Variants in PCDHB11 observed in about 807,000 individuals in gnomAD.
PCDHB11 encodes protocadherin beta 11.
For missense variants in PCDHB11, 1,151 were observed against 1,003.4 expected (o/e 1.15, Z -1.99); for synonymous variants, 522 against 442.0 (o/e 1.18, Z -2.27).
rs1351952583 is a variant in PCDHB11 at position 141,200,340 on chromosome 5, G to A, written c.566G>A (p.Arg189Lys). Residue 189 changes from arginine (R) to lysine (K), a missense_variant, in exon 1 of 1, where the codon AGG becomes AAG. Transcript: ENST00000354757. ...HIKMRVIPDN[R>K]KYPELVLDKA... ...AAAATGAGAGTCATTCCAGACAATA[G>A]GAAATACCCCGAGTTAGTTCTGGAC... is the stretch of plus-strand genomic sequence containing the variant. The A allele has an allele frequency of 2.2e-5, 35 of 1,614,018 alleles. No individual in the cohort carries two copies. The Admixed American group carries it at 3.3e-4, about 15-fold the overall frequency.
Position 141,201,808 on chromosome 5 carries a change from G to A in PCDHB11, c.2034G>A (p.Pro678=), listed in dbSNP as rs1554285710. 1 of 1,610,276 alleles carries A rather than the reference G, an allele frequency of 6.2e-7. No individual in the cohort carries two copies. Among genetic ancestry groups the A allele is most frequent in the Middle Eastern group, 2.1e-4 (1 of 4,852 alleles). ...ACCTGCCGCTCCCTGAGGCGGCACC[G>A]GCCCAGGCCCAGGCCGACTCGCTCA... ...QPYLPLPEAA[P]AQAQADSLTV... is the part of the protein sequence containing the mutation. Residue 678 remains proline (P), a synonymous_variant, in exon 1 of 1, where the codon CCG becomes CCA. Coordinates refer to ENST00000354757, the MANE Select transcript of PCDHB11 (RefSeq NM_018931.3).
In PCDHB11 at chr5:141,201,054, G is replaced by A. The variant is rs782178612; in HGVS notation, c.1280G>A (p.Gly427Glu). The part of the protein sequence containing the change: ...YNITITVTDL[G>E]IPRLKTEHNT... ...ATCACCATCACCGTCACCGACTTGG[G>A]GATACCCAGGCTGAAAACCGAGCAC... Residue 427 changes from glycine (G) to glutamate (E), a missense_variant, in exon 1 of 1, where the codon GGG becomes GAG. By Grantham distance (98) the Gly-to-Glu change is moderately conservative. Transcript: ENST00000354757. The A allele has an allele frequency of 1.9e-6, 3 of 1,614,000 alleles. No homozygotes were observed. Among genetic ancestry groups the A allele is most frequent in the East Asian group, 4.5e-5 (2 of 44,894 alleles).
chr5:141,202,147 T>G lies in PCDHB11; in HGVS notation c.2373T>G (p.Asn791Lys), dbSNP rs1554285841. 1 of 1,602,596 alleles carries G rather than the reference T, an allele frequency of 6.2e-7. No individual in the cohort carries two copies. Among genetic ancestry groups the G allele is most frequent in the South Asian group, 1.1e-5 (1 of 89,584 alleles). The change falls in exon 1 of 1, where the codon AAT becomes AAG. Residue 791 changes from asparagine (N) to lysine (K), a missense_variant. By Grantham distance (94) the Asn-to-Lys change is moderately conservative. Transcript: ENST00000354757. The part of the protein sequence containing the change: ...KNSEENSTFR[N>K]SFGFNF The stretch of plus-strand genomic sequence containing the variant: ...GTGAAGAAAACTCCACCTTTCGAAA[T>G]AGCTTTGGATTTAATTTTTAGTAAG...
chr5:141,202,303 T>A lies in PCDHB11; in HGVS notation c.*135T>A, dbSNP rs1754223533. The A allele has an allele frequency of 9.7e-6, 4 of 411,618 alleles. No homozygotes were observed. The highest frequency in any genetic ancestry group is 2.1e-4 in the East Asian group (2 of 9,570). 25.5% of individuals were successfully genotyped at this position (411,618 alleles called of 1,614,324 possible). On this transcript the variant is annotated 3_prime_UTR_variant, in exon 1 of 1. Coordinates refer to ENST00000354757, the MANE Select transcript of PCDHB11 (RefSeq NM_018931.3). Reference sequence around the variant, plus strand: ...TTAATTTTTTCTTTTCTCCCCCAATTTTTTTTTTTTTTTTGAGACCGAGTC... The same window carrying A: ...TTAATTTTTTCTTTTCTCCCCCAATATTTTTTTTTTTTTTGAGACCGAGTC...
Position 141,199,959 on chromosome 5 carries a change from G to T in PCDHB11, c.185G>T (p.Arg62Leu). The part of the protein sequence containing the change: ...LGLKVRELSS[R>L]GARVVSNDKK... ...CTGAAGGTGAGAGAACTGTCCTCAC[G>T]GGGGGCTCGGGTGGTCTCTAATGAT... Residue 62 changes from arginine to leucine, a missense_variant, in exon 1 of 1, where the codon CGG becomes CTG. By Grantham distance (102) the Arg-to-Leu change is moderately radical. Transcript: ENST00000354757. The T allele has an allele frequency of 6.2e-7, 1 of 1,614,124 alleles. No homozygotes were observed. Among genetic ancestry groups the T allele is most frequent in the Non-Finnish European group, 8.5e-7 (1 of 1,180,024 alleles).
Position 141,200,377 on chromosome 5 carries a change from T to C in PCDHB11, c.603T>C (p.Asp201=), listed in dbSNP as rs782035835. 6.2e-7 allele frequency: 1 copy of C among 1,614,178 alleles called. No individual in the cohort carries two copies. Among genetic ancestry groups the C allele is most frequent in the Non-Finnish European group, 8.5e-7 (1 of 1,180,034 alleles). Residue 201 remains aspartate, a synonymous_variant, in exon 1 of 1, where the codon GAT becomes GAC. Coordinates refer to ENST00000354757, the MANE Select transcript of PCDHB11 (RefSeq NM_018931.3). ...YPELVLDKAL[D]YEELPELSFI... is the part of the protein sequence containing the mutation. ...AGTTAGTTCTGGACAAGGCGCTGGATTATGAAGAGCTCCCGGAGCTCAGTT... is the reference window on the plus strand; with the variant it reads ...AGTTAGTTCTGGACAAGGCGCTGGACTATGAAGAGCTCCCGGAGCTCAGTT...
chr5:141,201,865 G>A lies in PCDHB11; in HGVS notation c.2091G>A (p.Val697=), dbSNP rs375960520. 2.5e-6 allele frequency: 4 copies of A among 1,611,288 alleles called. No individual in the cohort carries two copies. The African/African-American group carries it at 5.3e-5, about 22-fold the overall frequency. The change falls in exon 1 of 1, where the codon GTG becomes GTA. Residue 697 remains valine, a synonymous_variant. Transcript: ENST00000354757. ...ACTTGGTGGTGGCGTTGGCCTCGGTGTCTTCGCTCTTCCTCTTCTCGGTGC... is the reference window on the plus strand; with the variant it reads ...ACTTGGTGGTGGCGTTGGCCTCGGTATCTTCGCTCTTCCTCTTCTCGGTGC... The part of the protein sequence containing the change: ...TVYLVVALAS[V]SSLFLFSVLL...
chr5:141,199,748 C>A lies in PCDHB11; in HGVS notation c.-27C>A. On this transcript the variant is annotated 5_prime_UTR_variant, in exon 1 of 1. Transcript: ENST00000354757. ...CGCGTTCCGCAGAGCTGAAGCCTTT[C>A]TTCAAGAAGCCTACAAGAAAGGAAC... is the stretch of plus-strand genomic sequence containing the variant. 6.3e-7 allele frequency: 1 copy of A among 1,597,024 alleles called. No homozygotes were observed. Among genetic ancestry groups the A allele is most frequent in the Non-Finnish European group, 8.6e-7 (1 of 1,169,200 alleles).
At position 141,201,996 on chromosome 5, in the gene PCDHB11, G is replaced by T; in HGVS notation, c.2222G>T (p.Gly741Val). 6.2e-7 allele frequency: 1 copy of T among 1,614,172 alleles called. No homozygotes were observed. The highest frequency in any genetic ancestry group is 8.5e-7 in the Non-Finnish European group (1 of 1,180,006). The change falls in exon 1 of 1, where the codon GGC (glycine) becomes GTC (valine). Residue 741 changes from glycine to valine, a missense_variant. Coordinates refer to ENST00000354757, the MANE Select transcript of PCDHB11 (RefSeq NM_018931.3). Reference sequence around the variant, plus strand: ...CCAGGGCATCTGGTGGACGTGAGCGGCACCGGGACCCTTTCCCAGAGCTAC... The same window carrying T: ...CCAGGGCATCTGGTGGACGTGAGCGTCACCGGGACCCTTTCCCAGAGCTAC... ...PFPGHLVDVS[G>V]TGTLSQSYQY...
Position 141,200,808 on chromosome 5 carries a change from C to T in PCDHB11, c.1034C>T (p.Pro345Leu), listed in dbSNP as rs1439510569. 1 of 1,614,056 alleles carries T rather than the reference C, an allele frequency of 6.2e-7. No homozygotes were observed. The highest frequency in any genetic ancestry group is 1.7e-5 in the Admixed American group (1 of 60,002). Residue 345 changes from proline to leucine, a missense_variant, in exon 1 of 1, where the codon CCT (proline) becomes CTT (leucine). Pro to Leu is a moderately conservative substitution (Grantham distance 98). Coordinates refer to ENST00000354757, the MANE Select transcript of PCDHB11 (RefSeq NM_018931.3). ...GTGATAGATGTAAATGACAATGCTCCTGAAATCACTGTGTCATCAATTACC... is the reference window on the plus strand; with the variant it reads ...GTGATAGATGTAAATGACAATGCTCTTGAAATCACTGTGTCATCAATTACC... Reference protein sequence around the residue: ...IHVIDVNDNAPEITVSSITSP... With the variant: ...IHVIDVNDNALEITVSSITSP...
At position 141,200,844 on chromosome 5, in the gene PCDHB11, C is replaced by T; in HGVS notation, c.1070C>T (p.Pro357Leu). Residue 357 changes from proline to leucine, a missense_variant, in exon 1 of 1, where the codon CCA becomes CTA. Transcript: ENST00000354757. ...GTGTCATCAATTACCAGTCCAATCCCAGAAAATACGCCAGAGACCGTGGTT... is the reference window on the plus strand; with the variant it reads ...GTGTCATCAATTACCAGTCCAATCCTAGAAAATACGCCAGAGACCGTGGTT... ...ITVSSITSPI[P>L]ENTPETVVMV... The T allele has an allele frequency of 1.2e-6, 2 of 1,614,164 alleles. No homozygotes were observed. Among genetic ancestry groups the T allele is most frequent in the Non-Finnish European group, 1.7e-6 (2 of 1,180,032 alleles).
In PCDHB11 at chr5:141,200,731, T is replaced by C; in HGVS notation, c.957T>C (p.Ile319=). The change falls in exon 1 of 1, where the codon ATT becomes ATC. Residue 319 remains isoleucine, a synonymous_variant. Coordinates refer to ENST00000354757, the MANE Select transcript of PCDHB11 (RefSeq NM_018931.3). ...FETIESYSII[I]QATDGGGLFG... ...CGATTGAGTCATACTCAATAATCAT[T>C]CAAGCCACAGATGGGGGAGGACTTT... 1.2e-6 allele frequency: 2 copies of C among 1,614,050 alleles called. No homozygotes were observed. Among genetic ancestry groups the C allele is most frequent in the African/African-American group, 1.3e-5 (1 of 74,902 alleles).
Position 141,199,926 on chromosome 5 carries a change from A to C in PCDHB11, c.152A>C (p.Asp51Ala), listed in dbSNP as rs1182903699. 4 of 1,614,004 alleles carry C rather than the reference A, an allele frequency of 2.5e-6. No homozygotes were observed. Among genetic ancestry groups the C allele is most frequent in the Non-Finnish European group, 3.4e-6 (4 of 1,180,028 alleles). ...AGTTTTGTAGGCAATCTGGCAAAGG[A>C]CCTGGGGCTGAAGGTGAGAGAACTG... ...SGSFVGNLAK[D>A]LGLKVRELSS... The change falls in exon 1 of 1, where the codon GAC becomes GCC. Residue 51 changes from aspartate (D) to alanine (A), a missense_variant. Coordinates refer to ENST00000354757, the MANE Select transcript of PCDHB11 (RefSeq NM_018931.3).
rs1554285558 is a variant in PCDHB11 at position 141,201,302 on chromosome 5, A to G, written c.1528A>G (p.Asn510Asp). ...LASLVSINTD[N>D]GHLFALRSLD... The stretch of plus-strand genomic sequence containing the variant: ...CTCCCTGGTCTCCATCAACACAGAC[A>G]ACGGCCACCTGTTCGCCCTCAGGTC... Residue 510 changes from asparagine (N) to aspartate (D), a missense_variant, in exon 1 of 1, where the codon AAC becomes GAC. Asn to Asp is a conservative substitution (Grantham distance 23). Transcript: ENST00000354757. The G allele has an allele frequency of 3.1e-6, 5 of 1,613,602 alleles. No homozygotes were observed. The highest frequency in any genetic ancestry group is 4.2e-6 in the Non-Finnish European group (5 of 1,180,024).
Position 141,201,052 on chromosome 5 carries a change from G to C in PCDHB11, c.1278G>C (p.Leu426Phe). The change falls in exon 1 of 1, where the codon TTG becomes TTC. Residue 426 changes from leucine to phenylalanine, a missense_variant. By Grantham distance (22) the Leu-to-Phe change is conservative. Transcript: ENST00000354757. ...EYNITITVTD[L>F]GIPRLKTEHN... Reference sequence around the variant, plus strand: ...ATATCACCATCACCGTCACCGACTTGGGGATACCCAGGCTGAAAACCGAGC... The same window carrying C: ...ATATCACCATCACCGTCACCGACTTCGGGATACCCAGGCTGAAAACCGAGC... The C allele has an allele frequency of 6.2e-7, 1 of 1,614,150 alleles. No individual in the cohort carries two copies. The highest frequency in any genetic ancestry group is 8.5e-7 in the Non-Finnish European group (1 of 1,180,026).
In PCDHB11 at chr5:141,201,611, G is replaced by T; in HGVS notation, c.1837G>T (p.Gly613Trp). The T allele has an allele frequency of 5.0e-6, 8 of 1,608,118 alleles. No homozygotes were observed. Among genetic ancestry groups the T allele is most frequent in the Non-Finnish European group, 5.9e-6 (7 of 1,179,314 alleles). Residue 613 changes from glycine to tryptophan, a missense_variant, in exon 1 of 1, where the codon GGG (glycine) becomes TGG (tryptophan). Transcript: ENST00000354757. The part of the protein sequence containing the change: ...SYQLLKATEP[G>W]LFGVWAHNGE... Reference sequence around the variant, plus strand: ...CCAGCTGCTCAAGGCCACGGAGCCCGGGCTATTCGGCGTGTGGGCGCACAA... The same window carrying T: ...CCAGCTGCTCAAGGCCACGGAGCCCTGGCTATTCGGCGTGTGGGCGCACAA...
At position 141,200,389 on chromosome 5, in the gene PCDHB11, C is replaced by A; in HGVS notation, c.615C>A (p.Leu205=). ...VLDKALDYEE[L]PELSFILSAL... is the part of the protein sequence containing the mutation. ...ACAAGGCGCTGGATTATGAAGAGCT[C>A]CCGGAGCTCAGTTTCATCCTCTCTG... The change falls in exon 1 of 1, where the codon CTC becomes CTA. Residue 205 remains leucine, a synonymous_variant. Transcript: ENST00000354757. The A allele has an allele frequency of 6.2e-7, 1 of 1,614,144 alleles. No homozygotes were observed. The highest frequency in any genetic ancestry group is 8.5e-7 in the Non-Finnish European group (1 of 1,180,014).
chr5:141,200,561 A>G lies in PCDHB11; in HGVS notation c.787A>G (p.Ile263Val), dbSNP rs782065967. 1.1e-5 allele frequency: 17 copies of G among 1,614,152 alleles called. No individual in the cohort carries two copies. The highest frequency in any genetic ancestry group is 1.3e-5 in the Non-Finnish European group (15 of 1,180,032). Residue 263 changes from isoleucine (I) to valine (V), a missense_variant, in exon 1 of 1, where the codon ATT becomes GTT. Physicochemically the swap from Ile to Val is conservative, Grantham distance 29. Transcript: ENST00000354757. ...ENSILGSLIL[I>V]VSAWDLDSGT... The stretch of plus-strand genomic sequence containing the variant: ...TAGCATCCTTGGCTCGCTGATTTTG[A>G]TTGTCTCAGCTTGGGATTTAGACTC...
chr5:141,199,911 GC>G lies in PCDHB11; in HGVS notation c.138del (p.Asn47IlefsTer8). On this transcript the variant is annotated frameshift_variant, in exon 1 of 1. Transcript: ENST00000354757. LOFTEE classifies it low-confidence loss of function (END_TRUNC). The stretch of plus-strand genomic sequence containing the variant: ...GAAATGCAGAGCGGGAGTTTTGTAG[GC>G]AATCTGGCAAAGGACCTGGGGCTGA... ...AEEMQSGSFV[G>X]NLAKDLGLKV... 1.9e-6 allele frequency: 3 copies of G among 1,614,132 alleles called. No homozygotes were observed.
Sources: allele counts gnomAD v4.1 joint callset, GRCh38; gene constraint gnomAD v4.1.1; transcripts MANE v1.5; gene names NCBI Gene and HGNC (gene_info 2026-07-23, HGNC 2026-07-21).